COL5A2: variants seen among roughly 807,000 people sequenced by gnomAD.
COL5A2 encodes the protein collagen alpha-2(V) chain.
In COL5A2, 23 loss-of-function variants were observed where a neutral mutation model predicts 208.2. The ratio of observed to expected loss-of-function variants is 0.11; its 90% CI spans 0.08 to 0.16. The LOEUF (loss-of-function observed/expected upper bound fraction) is 0.16. Ranked by LOEUF, COL5A2 falls within the 10% of genes least tolerant of loss-of-function variation. COL5A2 has a pLI of 1.00. For missense variants in COL5A2, 1,590 were observed against 1,956.4 expected (o/e 0.81, Z 3.53); for synonymous variants, 625 against 628.5 (o/e 0.99, Z 0.08).
the COL5A2 span, among the ~76,000 whole-genome samples, chr2:189,332,251 T>C: frequency 1.3e-5 from 2 of 152,252 alleles, no homozygotes; most frequent in African/African-American, 4.8e-5. Flanking sequence ...AAACAGATTA[T>C]TAAGGGTATA....
chr2:189,290,493 G>A, the COL5A2 span, among the ~76,000 whole-genome samples: 302 of 152,268 alleles, frequency 2.0e-3, 3 homozygotes, highest in Middle Eastern at 6.8e-3. Context: ...AGTCAAATAC[G>A]TTGAAGACGT....
chr2:189,381,762 T>C, the COL5A2 span, among the ~76,000 whole-genome samples: 5 of 152,142 alleles, frequency 3.3e-5, no homozygotes, highest in African/African-American at 1.2e-4. Flanking sequence ...TAAAATTGTA[T>C]TTCTTCTATC....
chr2:189,175,505 ACCTG>A (rs1688659543), intron 1 of COL5A2, among the ~76,000 whole-genome samples: 2 of 150,926 alleles, frequency 1.3e-5, no homozygotes, highest in African/African-American at 4.9e-5. Context: ...GCCTTTCACT[ACCTG>A]CTTAAAAGCA....
At chr2:189,036,220 A>G (rs1363501790) in intron 52 of COL5A2, among the ~76,000 whole-genome samples, 4 of 152,150 alleles carry the variant, frequency 2.6e-5, no homozygotes, top group Non-Finnish European at 5.9e-5. Context: ...ATAAGGCCCC[A>G]AAGTCAGTAC....
At chr2:189,080,606 T>C (rs963279921) in intron 13 of COL5A2, among the ~76,000 whole-genome samples, 1 of 152,148 alleles carries the variant, frequency 6.6e-6, no homozygotes, top group African/African-American at 2.4e-5. Context: ...CTAGGTAGAC[T>C]GGGTCCCTTC....
In COL5A2 at chr2:189,195,887, T is replaced by C. The variant is rs146497558; in HGVS notation, c.-42+29261A>G. Reference sequence around the variant, plus strand: ...AGCCTAGGAAATACCATTCAGGACATAGGCATGGGCAAAGACTTTATGATG... The same window carrying C: ...AGCCTAGGAAATACCATTCAGGACACAGGCATGGGCAAAGACTTTATGATG... On this transcript the variant is annotated intron_variant, in intron 1 of 10. Coordinates refer to the COL5A2 transcript ENST00000649966. Among the ~76,000 whole-genome samples the C allele has an allele frequency of 5.1e-4, 77 of 152,292 alleles. No individual in the cohort carries two copies. The East Asian group carries it at 0.015, about 29-fold the overall frequency.
At chr2:189,316,353 T>C in the COL5A2 span, among the ~76,000 whole-genome samples, 1 of 151,978 alleles carries the variant, frequency 6.6e-6, no homozygotes, top group African/African-American at 2.4e-5. Context: ...CATACTAATA[T>C]AGGAATAGAA....
intron 1 of COL5A2, among the ~76,000 whole-genome samples, chr2:189,198,937 T>C (rs1689039111): frequency 6.6e-6 from 1 of 152,158 alleles, no homozygotes; most frequent in Non-Finnish European, 1.5e-5. Context: ...TAATTTACAA[T>C]TTTTTTCAAC....
intron 36 of COL5A2, 62 bp from the exon 37 acceptor site, chr2:189,054,010 T>C (rs538413261): frequency 3.8e-4 from 577 of 1,518,526 alleles, no homozygotes; most frequent in Non-Finnish European, 4.9e-4. Context: ...TTTTAGGACA[T>C]TGGTCACTGT....
chr2:189,067,750 C>A (rs566100997), intron 21 of COL5A2, among the ~76,000 whole-genome samples: 16 of 152,020 alleles, frequency 1.1e-4, no homozygotes, highest in South Asian at 2.1e-4. Context: ...TCATAAAATT[C>A]TATGAGGTGA....
the COL5A2 span, among the ~76,000 whole-genome samples, chr2:189,378,649 A>G: frequency 6.6e-5 from 10 of 151,562 alleles, no homozygotes; most frequent in African/African-American, 2.2e-4. Context: ...GCGTGAACCC[A>G]GGAGGCGGAG....
At chr2:189,436,874 G>T in the COL5A2 span, among the ~76,000 whole-genome samples, 1 of 152,162 alleles carries the variant, frequency 6.6e-6, no homozygotes, top group Non-Finnish European at 1.5e-5. Flanking sequence ...TGGAGGGAGA[G>T]CATCAGGAAG....
At chr2:189,383,686 A>G in the COL5A2 span, among the ~76,000 whole-genome samples, 1 of 152,166 alleles carries the variant, frequency 6.6e-6, no homozygotes, top group African/African-American at 2.4e-5. Context: ...TAATAAGCAT[A>G]CAATGTGTAA....
chr2:189,414,572 A>G, the COL5A2 span, among the ~76,000 whole-genome samples: 6 of 152,026 alleles, frequency 3.9e-5, no homozygotes, highest in African/African-American at 1.4e-4. Flanking sequence ...AACACGGCAA[A>G]ACCCCCGTCT....
chr2:189,040,570 T>C (rs895837810), intron 50 of COL5A2, among the ~76,000 whole-genome samples: 1 of 152,172 alleles, frequency 6.6e-6, no homozygotes, highest in Non-Finnish European at 1.5e-5. Flanking sequence ...AGTTCTACTA[T>C]TGGCTCTGCC....
At position 189,042,705 on chromosome 2, in the gene COL5A2, C is replaced by T; in HGVS notation, c.3525+15G>A. The T allele has an allele frequency of 3.7e-6, 6 of 1,605,082 alleles. No individual in the cohort carries two copies. The South Asian group carries it at 4.4e-5, about 12-fold the overall frequency. Reference sequence around the variant, plus strand: ...TATTATTTACACCTGCAACTTACTACTTTTTGTTACTTACTCTTGGGCCAA... The same window carrying T: ...TATTATTTACACCTGCAACTTACTATTTTTTGTTACTTACTCTTGGGCCAA... On this transcript the variant is annotated intron_variant, in intron 49 of 53. Transcript: ENST00000374866.
At chr2:189,340,160 C>T in the COL5A2 span, among the ~76,000 whole-genome samples, 2 of 152,274 alleles carry the variant, frequency 1.3e-5, no homozygotes, top group African/African-American at 4.8e-5. Flanking sequence ...GGTCTCTTGA[C>T]AACTGGGTTC....
intron 1 of COL5A2, among the ~76,000 whole-genome samples, chr2:189,218,279 T>C (rs1350693648): frequency 6.6e-6 from 1 of 152,212 alleles, no homozygotes; most frequent in Non-Finnish European, 1.5e-5. Context: ...ATGTAGCTAG[T>C]TAAGGCCATA....
At chr2:189,434,574 C>A in the COL5A2 span, among the ~76,000 whole-genome samples, 1 of 152,154 alleles carries the variant, frequency 6.6e-6, no homozygotes, top group Admixed American at 6.5e-5. Flanking sequence ...CTCCCATTCA[C>A]AATTGCTTCA....
Sources: gnomAD v4.1 joint callset for allele counts (sites outside exome capture counted in the v4.1 genomes callset) on GRCh38, gnomAD v4.1.1 for gene constraint, MANE v1.5 for transcripts, NCBI Gene and HGNC (gene_info 2026-07-23, HGNC 2026-07-21) for gene names.